Variants in SHANK1 observed in about 807,000 individuals in gnomAD.
SHANK1 encodes SH3 and multiple ankyrin repeat domains 1.
In SHANK1, 35 loss-of-function variants were observed where a neutral mutation model predicts 165.6. The ratio of observed to expected loss-of-function variants is 0.21; its 90% confidence interval spans 0.16 to 0.28. The LOEUF is 0.28. Among genes scored for constraint, SHANK1 ranks in the 10% least tolerant of loss-of-function variants. SHANK1 has a pLI of 1.00. For synonymous variants in SHANK1, 1,428 were observed against 1,384.8 expected, an observed-to-expected ratio of 1.03 and a Z score of -0.69; for missense variants, 2,681 against 3,036.4, an observed-to-expected ratio of 0.88 and a Z score of 2.75.
rs928268736 is a variant in SHANK1 at position 50,718,387 on chromosome 19, G to C, written c.-44+1019C>G. Among the ~76,000 whole-genome samples, 1 of 152,162 alleles carries C rather than the reference G, an allele frequency of 6.6e-6. No homozygotes were observed. The highest frequency in any genetic ancestry group is 1.5e-5 in the Non-Finnish European group (1 of 68,018). On this transcript the variant is annotated intron_variant, in intron 1 of 23. Coordinates refer to ENST00000293441, the MANE Select transcript of SHANK1 (RefSeq NM_016148.5). This position sits in a 1 kb window ranked among gnomAD's most constrained non-coding sequence, Gnocchi z 5.1. ...CAGACACTCCCCCTCGGCTGACCCT[G>C]GCTGACCCCCAGCCTCAACCCCGCT...
intron 8 of SHANK1, among the ~76,000 whole-genome samples, chr19:50,710,704 C>A (rs2088996987): frequency 6.6e-6 from 1 of 152,184 alleles, no homozygotes; most frequent in South Asian, 2.1e-4. Flanking sequence ...GTTGTCAGGA[C>A]CCCCAAGGTC....
At position 50,708,852 on chromosome 19, in the gene SHANK1, G is replaced by T. The variant is rs889152091; in HGVS notation, c.1077+2519C>A. ...TGCTGTTTGCTGGGGTCCTGGAACA[G>T]AGCAAGTAATCAGACTCAACCCCCA... is the stretch of plus-strand genomic sequence containing the variant. On this transcript the variant is annotated intron_variant, in intron 8 of 23. Transcript: ENST00000293441. Among the ~76,000 whole-genome samples the T allele has an allele frequency of 3.3e-5, 5 of 152,170 alleles. No individual in the cohort carries two copies. In the South Asian group the frequency reaches 1.0e-3, roughly 32 times the overall value.
intron 11 of SHANK1, 26 bp downstream of exon 11, chr19:50,703,474 T>C (rs973854607): frequency 4.6e-6 from 7 of 1,522,808 alleles, no homozygotes; most frequent in Non-Finnish European, 1.8e-6. Context: ...GGCTGGGGAC[T>C]GTGGAGCCAG....
At chr19:50,714,154 G>C (rs777086045) in intron 5 of SHANK1, 28 bp downstream of exon 5, 3 of 1,601,420 alleles carry the variant, frequency 1.9e-6, no homozygotes, top group Non-Finnish European at 2.6e-6. Context: ...CTGGCCCTGA[G>C]GTCCTCCTGA....
At position 50,688,123 on chromosome 19, in the gene SHANK1, G is replaced by C; in HGVS notation, c.2173-65C>G. On this transcript the variant is annotated intron_variant, in intron 17 of 23. Transcript: ENST00000293441. This position sits in a 1 kb window ranked among gnomAD's most constrained non-coding sequence, Gnocchi z 6.7. Reference sequence around the variant, plus strand: ...GGGGAGGGGTGCTTGCAGCTTCAGAGACCCCAAGGAGGATGCCTCCTGCGC... The same window carrying C: ...GGGGAGGGGTGCTTGCAGCTTCAGACACCCCAAGGAGGATGCCTCCTGCGC... 1 of 1,593,572 alleles carries C rather than the reference G, an allele frequency of 6.3e-7. No homozygotes were observed. Among genetic ancestry groups the C allele is most frequent in the Non-Finnish European group, 8.6e-7 (1 of 1,167,834 alleles).
intron 21 of SHANK1, among the ~76,000 whole-genome samples, chr19:50,681,551 G>C (rs118001464): frequency 6.6e-6 from 1 of 152,144 alleles, no homozygotes; most frequent in Non-Finnish European, 1.5e-5. Context: ...AACTGGGTTC[G>C]TGCAGGGTAG....
At chr19:50,707,285 G>C (rs2088951513) in intron 8 of SHANK1, among the ~76,000 whole-genome samples, 1 of 152,154 alleles carries the variant, frequency 6.6e-6, no homozygotes, top group Non-Finnish European at 1.5e-5. Context: ...GGACCCACAG[G>C]GACTATTCGG....
At position 50,697,681 on chromosome 19, in the gene SHANK1, G is replaced by C. The variant is rs1292583175; in HGVS notation, c.1862-17C>G. 1 of 1,612,166 alleles carries C rather than the reference G, an allele frequency of 6.2e-7. No individual in the cohort carries two copies. Among genetic ancestry groups the C allele is most frequent in the African/African-American group, 1.3e-5 (1 of 74,968 alleles). On this transcript the variant is annotated splice_polypyrimidine_tract_variant and intron_variant, in intron 13 of 23. Transcript: ENST00000293441. This position sits in a 1 kb window ranked among gnomAD's most constrained non-coding sequence, Gnocchi z 4.7. ...TGCGGCTTTCTGCAGGGTGACAACA[G>C]ACAACCTTGGACTCTTGTTTTGGAA...
rs1358847626 is a variant in SHANK1 at position 50,669,303 on chromosome 19, C to A, written c.2675-18G>T. 7 of 1,578,082 alleles carry A rather than the reference C, an allele frequency of 4.4e-6. No homozygotes were observed. The highest frequency in any genetic ancestry group is 5.2e-6 in the Non-Finnish European group (6 of 1,153,768). On this transcript the variant is annotated intron_variant, in intron 22 of 23. Coordinates refer to ENST00000293441, the MANE Select transcript of SHANK1 (RefSeq NM_016148.5). The stretch of plus-strand genomic sequence containing the variant: ...TGCCGCACCTGGGGAGATACAGAGG[C>A]TCAAGGAGGGGGACCCTGGCGGGGA...
At chr19:50,684,912 A>G (rs189629817) in intron 21 of SHANK1, among the ~76,000 whole-genome samples, 36 of 152,356 alleles carry the variant, frequency 2.4e-4, no homozygotes, top group African/African-American at 7.2e-4. Context: ...TATTTTGAGA[A>G]ACTACATTTT....
chr19:50,683,674 C>T (rs939075484), intron 21 of SHANK1, among the ~76,000 whole-genome samples: 2 of 152,132 alleles, frequency 1.3e-5, no homozygotes, highest in Admixed American at 6.6e-5. Context: ...AAAAGACACT[C>T]GTTCACAGTA....
chr19:50,689,477 GCTCT>G (rs931426621), intron 15 of SHANK1, 198 bp from the exon 16 acceptor site: 2 of 694,464 alleles, frequency 2.9e-6, no homozygotes, highest in Non-Finnish European at 5.3e-6. Flanking sequence ...GAGCCGGCAT[GCTCT>G]CTCTCTCACT....
At position 50,687,571 on chromosome 19, in the gene SHANK1, C is replaced by T. The variant is rs928092735; in HGVS notation, c.2389+11G>A. On this transcript the variant is annotated intron_variant, in intron 19 of 23. Transcript: ENST00000293441. ...CCCGGCCCCCTGGCCTCAGCAGCCC[C>T]GCAGGCTCACCCATCTCCTCCAGCT... is the stretch of plus-strand genomic sequence containing the variant. The T allele has an allele frequency of 1.9e-5, 29 of 1,546,578 alleles. No individual in the cohort carries two copies. The African/African-American group carries it at 1.9e-4, about 10-fold the overall frequency.
intron 18 of SHANK1, 43 bp from the exon 19 acceptor site, chr19:50,687,705 T>C: frequency 7.1e-7 from 1 of 1,411,480 alleles, no homozygotes; most frequent in East Asian, 2.5e-5. Flanking sequence ...ATGGGGGAGA[T>C]GCCCCCACCA....
At chr19:50,666,164 C>T (rs1242361278) in intron 23 of SHANK1, 28 bp downstream of exon 23, 57 of 1,538,744 alleles carry the variant, frequency 3.7e-5, no homozygotes, top group Non-Finnish European at 4.9e-5. Context: ...CCTCTGGCCT[C>T]CCTTGTTGGC....
At chr19:50,682,065 A>ATT (rs34764027) in intron 21 of SHANK1, among the ~76,000 whole-genome samples, 66 of 145,970 alleles carry the variant, frequency 4.5e-4, no homozygotes, top group Non-Finnish European at 6.6e-4. Flanking sequence ...CCTTTTTTCT[A>ATT]TTTTTTTTTT....
chr19:50,698,333 C>G (rs1986804539), intron 12 of SHANK1, among the ~76,000 whole-genome samples: 1 of 152,120 alleles, frequency 6.6e-6, no homozygotes, highest in Non-Finnish European at 1.5e-5. Context: ...CAAGTTCTAC[C>G]TCACCCTCCC....
chr19:50,707,968 G>T (rs2088965678), intron 8 of SHANK1, among the ~76,000 whole-genome samples: 4 of 115,462 alleles, frequency 3.5e-5, no homozygotes, highest in South Asian at 2.8e-4. Flanking sequence ...TTTCTTTTGA[G>T]ATGGAGTCTC....
In SHANK1 at chr19:50,697,701, T is replaced by C; in HGVS notation, c.1862-37A>G. 1 of 1,603,086 alleles carries C rather than the reference T, an allele frequency of 6.2e-7. No homozygotes were observed. Among genetic ancestry groups the C allele is most frequent in the Non-Finnish European group, 8.5e-7 (1 of 1,170,282 alleles). ...CAACAGACAACCTTGGACTCTTGTTTTGGAAACCACAATCCCAGCCCTAGA... is the reference window on the plus strand; with the variant it reads ...CAACAGACAACCTTGGACTCTTGTTCTGGAAACCACAATCCCAGCCCTAGA... On this transcript the variant is annotated intron_variant, in intron 13 of 23. Transcript: ENST00000293441. The surrounding 1 kb of genome is among the most constrained non-coding windows in gnomAD (Gnocchi z 4.7).
Sources: gnomAD v4.1 joint callset for allele counts (sites outside exome capture counted in the v4.1 genomes callset) on GRCh38, gnomAD v4.1.1 for gene constraint, Gnocchi (gnomAD v3.1) non-coding constraint, MANE v1.5 for transcripts, NCBI Gene and HGNC (gene_info 2026-07-23, HGNC 2026-07-21) for gene names.